The following NLRP5 variants were observed in gnomAD, a reference collection of about 807,000 sequenced individuals.
The protein encoded by NLRP5 is NACHT, LRR and PYD domains-containing protein 5.
A neutral mutation model predicts 113.1 loss-of-function variants in NLRP5; 93 were observed. The observed-to-expected ratio is 0.82, with a 90% CI of 0.70 to 0.98. The LOEUF (loss-of-function observed/expected upper bound fraction) is 0.98, where lower values mean the gene tolerates loss of function less well. Ranked by LOEUF, NLRP5 falls within the 50% of genes least tolerant of loss-of-function variation. The probability of loss-of-function intolerance (pLI) is 0.00; values close to 1 mark genes in which losing one functional copy is unlikely to be tolerated. For synonymous variants in NLRP5, 751 were observed against 600.7 expected, an observed-to-expected ratio of 1.25 and a Z score of -3.66; for missense variants, 1,808 against 1,514.3, an observed-to-expected ratio of 1.19 and a Z score of -3.22.
chr19:56,033,430 A>G, intron 8 of NLRP5, 112 bp from the exon 9 acceptor site: 1 of 815,020 alleles, frequency 1.2e-6, no homozygotes, highest in East Asian at 2.5e-5. Flanking sequence ...TTTAAAAGGA[A>G]ATACAATTAA....
Position 56,028,641 on chromosome 19 carries a change from C to A in NLRP5, c.2276+132C>A, listed in dbSNP as rs979481881. On this transcript the variant is annotated intron_variant, in intron 7 of 14. Transcript: ENST00000390649. ...TCAGGATGAATGGCCCAGATGACGT[C>A]CAGCTGGCTAAAATGCCAGGACCGG... 3 of 897,022 alleles carry A rather than the reference C, an allele frequency of 3.3e-6. No individual in the cohort carries two copies. The African/African-American group carries it at 5.0e-5, about 15-fold the overall frequency. 55.6% of individuals were successfully genotyped at this position (897,022 alleles called of 1,614,324 possible).
At chr19:55,989,627 G>A in the NLRP5 span, among the ~76,000 whole-genome samples, 14 of 152,242 alleles carry the variant, frequency 9.2e-5, no homozygotes, top group Admixed American at 5.2e-4. Context: ...TGCCCCCGTA[G>A]TGTCTCTTCC....
At chr19:56,057,111 C>T (rs1444908730) in intron 13 of NLRP5, among the ~76,000 whole-genome samples, 2 of 152,164 alleles carry the variant, frequency 1.3e-5, no homozygotes, top group African/African-American at 2.4e-5. Context: ...ACCCCAGCCT[C>T]AGCGATAGAG....
At chr19:56,030,714 C>CTTCTTTTTTT (rs1555767859) in intron 7 of NLRP5, among the ~76,000 whole-genome samples, 808 of 71,248 alleles carry the variant, frequency 0.011, 39 homozygotes, top group Middle Eastern at 0.048. Flanking sequence ...CTTTCTTCTT[C>CTTCTTTTTTT]TTTTTTTTTT....
upstream of NLRP5, chr19:55,999,595 C>G (rs370645227): frequency 1.4e-6 from 1 of 727,844 alleles, no homozygotes; most frequent in African/African-American, 1.7e-5. Context: ...TGTGCCAGCC[C>G]TTCCGACCGG....
intron 8 of NLRP5, 143 bp downstream of exon 8, chr19:56,032,924 C>T (rs537865766): frequency 5.3e-4 from 423 of 805,462 alleles, no homozygotes; most frequent in African/African-American, 4.0e-3. Context: ...ACCAAGTTCC[C>T]AAAAGCACAG....
At chr19:56,030,931 C>T (rs1983084855) in intron 7 of NLRP5, among the ~76,000 whole-genome samples, 1 of 151,748 alleles carries the variant, frequency 6.6e-6, no homozygotes, top group African/African-American at 2.4e-5. Flanking sequence ...CCAGGCTGGT[C>T]TTGAACTCCT....
chr19:56,046,871 C>T (rs549404096), intron 11 of NLRP5, among the ~76,000 whole-genome samples: 1 of 152,316 alleles, frequency 6.6e-6, no homozygotes, highest in African/African-American at 2.4e-5. Context: ...TTCTGTGAAT[C>T]CGTCTGGTCC....
chr19:56,033,192 A>G (rs564389320), intron 8 of NLRP5, among the ~76,000 whole-genome samples: 14 of 152,262 alleles, frequency 9.2e-5, no homozygotes, highest in African/African-American at 3.1e-4. Flanking sequence ...TGGAGGTTGC[A>G]GTGAGCCAAG....
chr19:56,051,622 G>A (rs1303247053), intron 12 of NLRP5, among the ~76,000 whole-genome samples: 1 of 152,116 alleles, frequency 6.6e-6, no homozygotes, highest in Non-Finnish European at 1.5e-5. Context: ...CCAAAACTTT[G>A]GCATTGGTCT....
intron 2 of NLRP5, among the ~76,000 whole-genome samples, chr19:56,006,648 C>T (rs1981924670): frequency 6.6e-6 from 1 of 152,076 alleles, no homozygotes; most frequent in African/African-American, 2.4e-5. Context: ...AGGAGAATCA[C>T]TTGAACCCGG....
rs769237049 is a variant in NLRP5, at chr19:56,028,246, G to T, written c.2013G>T (p.Leu671=). 3.1e-6 allele frequency: 5 copies of T among 1,613,934 alleles called. No individual in the cohort carries two copies. In the Admixed American group the frequency reaches 6.7e-5, roughly 22 times the overall value. ...AGAAGCTTCTGCACTGGGTCTCTCT[G>T]TTGGGTCAGCAGCCTAATGCCACCA... Residue 671 remains leucine, a synonymous_variant, in exon 7 of 15, where the codon CTG becomes CTT. Coordinates refer to ENST00000390649, the MANE Select transcript of NLRP5 (RefSeq NM_153447.4).
At chr19:56,058,160 C>A in intron 13 of NLRP5, 80 bp from the exon 14 acceptor site, 1 of 1,053,440 alleles carries the variant, frequency 9.5e-7, no homozygotes. Flanking sequence ...GAAAAAGTAT[C>A]AAGGTGAAAT....
chr19:56,024,368 T>TGTATATGTGTATATATAACATATATAC, intron 6 of NLRP5, among the ~76,000 whole-genome samples: 7 of 138,634 alleles, frequency 5.0e-5, no homozygotes, highest in Admixed American at 2.2e-4. Flanking sequence ...AACAAATATA[T>TGTATATGTGTATATATAACATATATAC]ATATATGTGT....
intron 7 of NLRP5, among the ~76,000 whole-genome samples, chr19:56,028,852 C>A (rs1344734134): frequency 6.6e-6 from 1 of 152,170 alleles, no homozygotes; most frequent in African/African-American, 2.4e-5. Context: ...GCAAACTCCA[C>A]CTCCCAGGCT....
At chr19:56,050,272 TCC>T (rs1390360191) in intron 11 of NLRP5, 144 bp from the exon 12 acceptor site, 2 of 594,338 alleles carry the variant, frequency 3.4e-6, no homozygotes, top group Non-Finnish European at 5.3e-6. Flanking sequence ...AGAGCAAGAC[TCC>T]TCAAAAAAAA....
At chr19:56,032,508 G>A in intron 7 of NLRP5, 103 bp from the exon 8 acceptor site, 1 of 1,017,680 alleles carries the variant, frequency 9.8e-7, no homozygotes, top group Non-Finnish European at 1.4e-6. Flanking sequence ...AAGCCACCGT[G>A]GTCTCACCTC....
At chr19:56,037,557 G>A (rs1983363124) in intron 9 of NLRP5, among the ~76,000 whole-genome samples, 1 of 151,494 alleles carries the variant, frequency 6.6e-6, no homozygotes, top group African/African-American at 2.4e-5. Context: ...GCCAGGTATG[G>A]TGGTGGGCAC....
intron 3 of NLRP5, among the ~76,000 whole-genome samples, chr19:56,012,377 T>C (rs985324939): frequency 2.0e-5 from 3 of 151,534 alleles, no homozygotes; most frequent in African/African-American, 7.3e-5. Flanking sequence ...TTCGAACTCC[T>C]GACCTCGTGA....
Sources: gnomAD v4.1 joint callset for allele counts (sites outside exome capture counted in the v4.1 genomes callset) on GRCh38, gnomAD v4.1.1 for gene constraint, MANE v1.5 for transcripts, NCBI Gene and HGNC (gene_info 2026-07-23, HGNC 2026-07-21) for gene names.